Variants in GNPAT observed in about 807,000 individuals in gnomAD.
GNPAT encodes glyceronephosphate O-acyltransferase.
GNPAT carries 30 observed loss-of-function variants against 78.4 expected under a neutral mutation model. The observed-to-expected ratio is 0.38, with a 90% CI of 0.29 to 0.52. The LOEUF (loss-of-function observed/expected upper bound fraction) is 0.52, where lower values mean the gene tolerates loss of function less well. Among genes scored for constraint, GNPAT ranks in the 20% least tolerant of loss-of-function variants. The pLI is 0.84. For synonymous variants in GNPAT, 271 were observed against 281.1 expected (o/e 0.96, Z 0.36); for missense variants, 714 against 812.2 (o/e 0.88, Z 1.47).
In GNPAT at chr1:231,265,732, A is replaced by AT; in HGVS notation, c.722dup (p.Leu242ProfsTer15). 2.5e-6 allele frequency: 4 copies of AT among 1,602,370 alleles called. No individual in the cohort carries two copies. Among genetic ancestry groups the AT allele is most frequent in the Non-Finnish European group, 3.4e-6 (4 of 1,169,234 alleles). On this transcript the variant is annotated frameshift_variant, in exon 6 of 16. Coordinates refer to ENST00000366647, the MANE Select transcript of GNPAT (RefSeq NM_014236.4). LOFTEE classifies it high-confidence loss of function. ...TAAAGAATGGTTATGCTCCTGTTGA[A>AT]TTTTTCCTCGAAGGGACAAGAAGCC... is the stretch of plus-strand genomic sequence containing the variant.
At position 231,241,350 on chromosome 1, in the gene GNPAT, C is replaced by T. The variant is rs1232347366; in HGVS notation, c.-29C>T. 6.3e-7 allele frequency: 1 copy of T among 1,589,790 alleles called. No individual in the cohort carries two copies. Among genetic ancestry groups the T allele is most frequent in the East Asian group, 2.2e-5 (1 of 44,746 alleles). On this transcript the variant is annotated 5_prime_UTR_variant, in exon 1 of 16. Coordinates refer to ENST00000366647, the MANE Select transcript of GNPAT (RefSeq NM_014236.4). ...ACCACCACGGCTTAGCAAAGAATCC[C>T]AGACCCCGCCCGGGAAGGCAGCCGC...
In GNPAT at chr1:231,251,110, C is replaced by A. The variant is rs1257654057; in HGVS notation, c.228C>A (p.Leu76=). The A allele has an allele frequency of 1.9e-6, 3 of 1,595,296 alleles. No homozygotes were observed. Among genetic ancestry groups the A allele is most frequent in the Middle Eastern group, 1.7e-4 (1 of 6,006 alleles). Residue 76 remains leucine (L), a synonymous_variant, in exon 2 of 16, where the codon CTC becomes CTA. Coordinates refer to ENST00000366647, the MANE Select transcript of GNPAT (RefSeq NM_014236.4). ...CKPIDIKCSV[L]NSEEIHYVIK... is the part of the protein sequence containing the mutation. The stretch of plus-strand genomic sequence containing the variant: ...CAATTGATATTAAATGTAGTGTTCT[C>A]AATTCTGAGGAGATTCATTATGTCA...
intron 10 of GNPAT, among the ~76,000 whole-genome samples, chr1:231,271,961 A>G (rs1685580091): frequency 6.6e-6 from 1 of 152,122 alleles, no homozygotes; most frequent in African/African-American, 2.4e-5. Context: ...TTAGCTGGGC[A>G]TGGCGGCGAG....
intron 12 of GNPAT, 136 bp from the exon 13 acceptor site, chr1:231,275,085 C>CT (rs1253622410): frequency 1.5e-6 from 1 of 666,506 alleles, no homozygotes; most frequent in East Asian, 2.8e-5. Flanking sequence ...GGGCTCATTC[C>CT]TTGGAGGGTC....
At chr1:231,264,384 CAT>C (rs1685315660) in intron 4 of GNPAT, among the ~76,000 whole-genome samples, 1 of 152,132 alleles carries the variant, frequency 6.6e-6, no homozygotes, top group South Asian at 2.1e-4. Flanking sequence ...TAAACAATGT[CAT>C]AATACATTTT....
rs200792825 is a variant in GNPAT, at chr1:231,266,252, TC to T, written c.925-18del. ...CTAAATTTACTGCTTTTCGTTTTCT[TC>T]CCCCCCTGTTATGGTACTATTAGGG... On this transcript the variant is annotated intron_variant, in intron 7 of 15. Transcript: ENST00000366647. 3.3e-4 allele frequency: 537 copies of T among 1,613,628 alleles called. 3 individuals carry two copies. The highest frequency in any genetic ancestry group is 3.0e-3 in the South Asian group (274 of 91,064).
chr1:231,254,077 T>A (rs1317166145), intron 2 of GNPAT, among the ~76,000 whole-genome samples: 1 of 152,196 alleles, frequency 6.6e-6, no homozygotes, highest in Admixed American at 6.5e-5. Flanking sequence ...CCTCCCAAAG[T>A]GCTGGATTAC....
intron 4 of GNPAT, among the ~76,000 whole-genome samples, chr1:231,263,424 C>A (rs533645378): frequency 6.6e-5 from 10 of 152,236 alleles, no homozygotes; most frequent in African/African-American, 1.7e-4. Context: ...GTGAACTACT[C>A]TAGATGCTTG....
intron 11 of GNPAT, 116 bp downstream of exon 11, chr1:231,272,507 G>T: frequency 7.2e-6 from 5 of 695,598 alleles, no homozygotes; most frequent in Admixed American, 1.9e-5. Flanking sequence ...AAGGCAAAGT[G>T]GGGCAGACTT....
intron 12 of GNPAT, 167 bp from the exon 13 acceptor site, chr1:231,275,054 T>A: frequency 1.6e-6 from 1 of 608,484 alleles, no homozygotes. Context: ...GGAGATGCCC[T>A]AAAAATTCTT....
intron 2 of GNPAT, among the ~76,000 whole-genome samples, chr1:231,256,479 C>T (rs374721339): frequency 1.6e-4 from 12 of 75,918 alleles, no homozygotes; most frequent in Admixed American, 6.0e-4. Context: ...CTAATTTTCT[C>T]TTTTTTTTTT....
At chr1:231,245,216 CT>C (rs1055940629) in intron 1 of GNPAT, among the ~76,000 whole-genome samples, 31 of 152,132 alleles carry the variant, frequency 2.0e-4, no homozygotes, top group African/African-American at 6.7e-4. Context: ...GCCTAATTTT[CT>C]TTTTTTGTTG....
At chr1:231,264,720 A>G (rs1046229764) in intron 4 of GNPAT, among the ~76,000 whole-genome samples, 4 of 152,196 alleles carry the variant, frequency 2.6e-5, no homozygotes, top group African/African-American at 9.6e-5. Context: ...AAGTAGGTTG[A>G]TGTTTTTTCC....
chr1:231,255,199 C>T (rs982933893), intron 2 of GNPAT, among the ~76,000 whole-genome samples: 2 of 152,058 alleles, frequency 1.3e-5, no homozygotes, highest in African/African-American at 4.8e-5. Context: ...TACCCTATTC[C>T]TTTGTTCTAA....
chr1:231,274,152 C>T, intron 12 of GNPAT, 90 bp downstream of exon 12: 2 of 1,131,526 alleles, frequency 1.8e-6, no homozygotes, highest in South Asian at 1.2e-5. Context: ...GTCTGAAGGG[C>T]AGGTATCTTC....
At chr1:231,256,301 C>G (rs1225366687) in intron 2 of GNPAT, among the ~76,000 whole-genome samples, 1 of 151,832 alleles carries the variant, frequency 6.6e-6, no homozygotes, top group East Asian at 1.9e-4. Context: ...CCCCTCCCAC[C>G]CCTACCCCTG....
chr1:231,273,293 T>C (rs1444299428), intron 11 of GNPAT, among the ~76,000 whole-genome samples: 1 of 146,146 alleles, frequency 6.8e-6, no homozygotes, highest in Non-Finnish European at 1.5e-5. Context: ...GCTCTGTCGC[T>C]CAGGCTAGAG....
chr1:231,266,063 T>TA lies in GNPAT; in HGVS notation c.823dup (p.Thr275AsnfsTer7). 6.2e-7 allele frequency: 1 copy of TA among 1,612,134 alleles called. No individual in the cohort carries two copies. The highest frequency in any genetic ancestry group is 8.5e-7 in the Non-Finnish European group (1 of 1,178,338). ...CATTTTTTAAAAGAGAAGTTTTTGA[T>TA]ACCTACCTTGTCCCAATTAGTATCA... is the stretch of plus-strand genomic sequence containing the variant. On this transcript the variant is annotated frameshift_variant, in exon 7 of 16. Transcript: ENST00000366647. LOFTEE classifies it high-confidence loss of function.
Position 231,253,355 on chromosome 1 carries a change from A to G in GNPAT, c.261+2212A>G, listed in dbSNP as rs144795722. ...CAAGTTATACCATATTTGTTCTGCA[A>G]CTTCCTCTCTGACCTCTTGGAATCT... On this transcript the variant is annotated intron_variant, in intron 2 of 15. Coordinates refer to ENST00000366647, the MANE Select transcript of GNPAT (RefSeq NM_014236.4). Among the ~76,000 whole-genome samples, 713 of 152,302 alleles carry G rather than the reference A, an allele frequency of 4.7e-3. 3 individuals are homozygous for G. The highest frequency in any genetic ancestry group is 5.5e-3 in the Non-Finnish European group (372 of 68,032).
Sources: allele counts gnomAD v4.1 joint callset (sites outside exome capture counted in the v4.1 genomes callset), GRCh38; gene constraint gnomAD v4.1.1; transcripts MANE v1.5; gene names NCBI Gene and HGNC (gene_info 2026-07-23, HGNC 2026-07-21).